Variants in ANXA10 observed in about 807,000 individuals in gnomAD.
ANXA10 encodes the protein annexin 14.
A neutral mutation model predicts 53.5 loss-of-function variants in ANXA10; 49 were observed. The ratio of observed to expected loss-of-function variants is 0.92; its 90% CI spans 0.73 to 1.16. The LOEUF is 1.16. Ranked by LOEUF, ANXA10 falls within the 50% of genes most tolerant of loss-of-function variation. The pLI, the probability that ANXA10 is intolerant of heterozygous loss-of-function variation, is 0.00. For missense variants in ANXA10, 393 were observed against 394.4 expected (o/e 1.00, Z 0.03); for synonymous variants, 131 against 128.9 (o/e 1.02, Z -0.11).
chr4:168,177,447 A>T (rs1732152244), intron 6 of ANXA10, among the ~76,000 whole-genome samples: 1 of 152,202 alleles, frequency 6.6e-6, no homozygotes, highest in Admixed American at 6.5e-5. Flanking sequence ...TCAGTTTGAT[A>T]AGGGAGAAGA....
At chr4:168,132,740 T>C (rs1731174823) in intron 2 of ANXA10, among the ~76,000 whole-genome samples, 2 of 152,122 alleles carry the variant, frequency 1.3e-5, no homozygotes, top group Admixed American at 1.3e-4. Flanking sequence ...GTGTACCCCA[T>C]AAATATATAT....
At chr4:168,145,679 C>T (rs1290218352) in intron 3 of ANXA10, among the ~76,000 whole-genome samples, 9 of 152,162 alleles carry the variant, frequency 5.9e-5, no homozygotes, top group Non-Finnish European at 1.5e-5. Context: ...CCAAATTTTA[C>T]AAATAGGTTT....
intron 1 of ANXA10, among the ~76,000 whole-genome samples, chr4:168,120,454 CA>C (rs1730966383): frequency 6.6e-6 from 1 of 151,728 alleles, no homozygotes; most frequent in Non-Finnish European, 1.5e-5. Flanking sequence ...ACTTCAGGAA[CA>C]AAAAAGCCTG....
intron 1 of ANXA10, among the ~76,000 whole-genome samples, chr4:168,101,722 C>CA (rs1264356735): frequency 6.6e-6 from 1 of 151,924 alleles, no homozygotes; most frequent in South Asian, 2.1e-4. Context: ...GAGTACAGAG[C>CA]AAAAAATATG....
At chr4:168,110,045 C>T (rs905586214) in intron 1 of ANXA10, among the ~76,000 whole-genome samples, 1 of 152,030 alleles carries the variant, frequency 6.6e-6, no homozygotes, top group African/African-American at 2.4e-5. Flanking sequence ...CCCGTCTCTA[C>T]TAAAAATACA....
intron 10 of ANXA10, among the ~76,000 whole-genome samples, chr4:168,182,318 ATTT>A (rs542260478): frequency 0.027 from 1,332 of 49,390 alleles, 7 homozygotes; most frequent in Non-Finnish European, 0.036. Flanking sequence ...TGGAGCATTA[ATTT>A]TTTTTTTTTT....
intron 6 of ANXA10, among the ~76,000 whole-genome samples, chr4:168,171,497 A>G (rs1312080233): frequency 1.3e-5 from 2 of 152,184 alleles, no homozygotes; most frequent in African/African-American, 4.8e-5. Context: ...TATTTTTAAC[A>G]TCACTAAAAT....
At chr4:168,174,456 C>T (rs950110686) in intron 6 of ANXA10, among the ~76,000 whole-genome samples, 1 of 152,208 alleles carries the variant, frequency 6.6e-6, no homozygotes, top group Non-Finnish European at 1.5e-5. Flanking sequence ...TGCTCACTCG[C>T]TCACACATCC....
chr4:168,177,860 A>G, intron 7 of ANXA10, 30 bp from the exon 8 acceptor site: 1 of 1,614,018 alleles, frequency 6.2e-7, no homozygotes. Context: ...AGTGGTTCTG[A>G]TGCTACTTCT....
At chr4:168,096,817 C>T (rs1253547082) in intron 1 of ANXA10, among the ~76,000 whole-genome samples, 9 of 150,838 alleles carry the variant, frequency 6.0e-5, no homozygotes, top group Non-Finnish European at 1.2e-4. Context: ...AGCTTGAATC[C>T]GACTCTGTCT....
intron 3 of ANXA10, among the ~76,000 whole-genome samples, chr4:168,161,153 G>T (rs183636001): frequency 6.6e-6 from 1 of 152,176 alleles, no homozygotes; most frequent in East Asian, 1.9e-4. Flanking sequence ...GTCCTCAATG[G>T]TATTGCCTAG....
At position 168,179,649 on chromosome 4, in the gene ANXA10, C is replaced by T. The variant is rs370905744; in HGVS notation, c.724+337C>T. Among the ~76,000 whole-genome samples, 83 of 152,302 alleles carry T rather than the reference C, an allele frequency of 5.4e-4. No individual in the cohort carries two copies. In the East Asian group the frequency reaches 9.8e-3, roughly 18 times the overall value. On this transcript the variant is annotated intron_variant, in intron 9 of 11. Coordinates refer to ENST00000359299, the MANE Select transcript of ANXA10 (RefSeq NM_007193.5). ...TTTTATCTTTACTGACTTCCATTCCCTTGTCCAAGAGCCGATAAATACTTA... is the reference window on the plus strand; with the variant it reads ...TTTTATCTTTACTGACTTCCATTCCTTTGTCCAAGAGCCGATAAATACTTA...
At chr4:168,127,825 T>TTTTTA in intron 1 of ANXA10, 1 of 357,424 alleles carries the variant, frequency 2.8e-6, no homozygotes, top group Non-Finnish European at 5.0e-6. Flanking sequence ...ACCTTTTTTT[T>TTTTTA]TTTTTTTTTT....
chr4:168,134,292 G>A (rs371131027), intron 2 of ANXA10, among the ~76,000 whole-genome samples: 11 of 152,080 alleles, frequency 7.2e-5, no homozygotes, highest in African/African-American at 2.7e-4. Flanking sequence ...TATCATGTAA[G>A]TGACAGAAAG....
intron 3 of ANXA10, among the ~76,000 whole-genome samples, chr4:168,144,535 T>C (rs1731377405): frequency 6.6e-6 from 1 of 152,214 alleles, no homozygotes; most frequent in Non-Finnish European, 1.5e-5. Context: ...TTCCAGTAGA[T>C]ATAACTTCAG....
chr4:168,154,917 A>C (rs1032543447), intron 3 of ANXA10, among the ~76,000 whole-genome samples: 1 of 152,190 alleles, frequency 6.6e-6, no homozygotes, highest in South Asian at 2.1e-4. Flanking sequence ...AGTTGTTATG[A>C]TAATCATCAC....
chr4:168,102,186 G>T (rs536333149), intron 1 of ANXA10, among the ~76,000 whole-genome samples: 2 of 152,076 alleles, frequency 1.3e-5, no homozygotes, highest in Admixed American at 1.3e-4. Flanking sequence ...GTGGTTATGA[G>T]ATTTATTTGT....
At chr4:168,186,568 G>A (rs1377867824) in intron 11 of ANXA10, among the ~76,000 whole-genome samples, 3 of 152,168 alleles carry the variant, frequency 2.0e-5, no homozygotes, top group Non-Finnish European at 2.9e-5. Context: ...GGCTGTCTAC[G>A]AGAGACAGGC....
intron 2 of ANXA10, among the ~76,000 whole-genome samples, chr4:168,130,757 A>G (rs1007790157): frequency 3.3e-5 from 5 of 151,910 alleles, no homozygotes; most frequent in Non-Finnish European, 7.4e-5. Context: ...GTTATTAATA[A>G]TATTTTATTA....
Sources: allele counts gnomAD v4.1 joint callset (sites outside exome capture counted in the v4.1 genomes callset), GRCh38; gene constraint gnomAD v4.1.1; transcripts MANE v1.5; gene names NCBI Gene and HGNC (gene_info 2026-07-23, HGNC 2026-07-21).